The following C6 variants were observed in gnomAD, a reference collection of about 807,000 sequenced individuals.
The protein encoded by C6 is complement C6.
Under a neutral mutation model 112.9 loss-of-function variants are expected in C6, and 101 were observed. The ratio of observed to expected loss-of-function variants is 0.89; its 90% CI spans 0.76 to 1.06. The LOEUF (loss-of-function observed/expected upper bound fraction) is 1.06, where lower values mean the gene tolerates loss of function less well. Ranked by LOEUF, C6 falls within the 50% of genes least tolerant of loss-of-function variation. The probability of loss-of-function intolerance (pLI) is 0.00; values close to 1 mark genes in which losing one functional copy is unlikely to be tolerated. For missense variants in C6, 1,202 were observed against 1,104.6 expected, an observed-to-expected ratio of 1.09 and a Z score of -1.25; for synonymous variants, 431 against 384.1, an observed-to-expected ratio of 1.12 and a Z score of -1.43.
intron 1 of C6, among the ~76,000 whole-genome samples, chr5:41,242,690 C>T (rs1740790764): frequency 6.6e-6 from 1 of 151,908 alleles, no homozygotes; most frequent in South Asian, 2.1e-4. Context: ...TCTTTCAATT[C>T]TCTCATGTTT....
At position 41,210,521 on chromosome 5, in the gene C6, G is replaced by GA. The variant is rs544922352; in HGVS notation, c.-21+2854dup. ...ACAAAGAACTCAAACAAATTTACAAGAAAAAATCAAACAACCCCATCAAAA... is the reference window on the plus strand; with the variant it reads ...ACAAAGAACTCAAACAAATTTACAAGAAAAAAATCAAACAACCCCATCAAAA... On this transcript the variant is annotated intron_variant, in intron 1 of 17. Transcript: ENST00000337836. Among the ~76,000 whole-genome samples, 368 of 152,102 alleles carry GA rather than the reference G, an allele frequency of 2.4e-3. No homozygotes were observed. In the Middle Eastern group the frequency reaches 0.027, roughly 11 times the overall value.
At chr5:41,187,194 A>G (rs1749840025) in intron 5 of C6, among the ~76,000 whole-genome samples, 1 of 152,166 alleles carries the variant, frequency 6.6e-6, no homozygotes, top group Non-Finnish European at 1.5e-5. Flanking sequence ...AATAGCACCA[A>G]TGCCCTTCCC....
chr5:41,256,569 A>T (rs1741718919), intron 1 of C6, among the ~76,000 whole-genome samples: 1 of 151,748 alleles, frequency 6.6e-6, no homozygotes, highest in Admixed American at 6.6e-5. Context: ...CTGCTGAGAG[A>T]ATTTTGTGGT....
intron 15 of C6, among the ~76,000 whole-genome samples, chr5:41,150,707 C>A (rs373162399): frequency 6.6e-5 from 10 of 151,580 alleles, no homozygotes; most frequent in African/African-American, 2.4e-4. Context: ...GTCAATATGG[C>A]GAAACCCCAT....
At position 41,181,381 on chromosome 5, in the gene C6, G is replaced by T; in HGVS notation, c.905C>A (p.Ala302Asp). The change falls in exon 7 of 18, where the codon GCC becomes GAC. Residue 302 changes from alanine to aspartate, a missense_variant. Coordinates refer to ENST00000337836, the MANE Select transcript of C6 (RefSeq NM_000065.5). The part of the protein sequence containing the change: ...NINHNSAFKQ[A>D]IQASHKKDSS... ...TACCTTTTTGTGAGAGGCTTGAATG[G>T]CTTGTTTGAAGGCAGAATTATGGTT... 6.2e-7 allele frequency: 1 copy of T among 1,613,688 alleles called. No homozygotes were observed. Among genetic ancestry groups the T allele is most frequent in the Non-Finnish European group, 8.5e-7 (1 of 1,179,766 alleles).
rs540732649 is a variant in C6 at position 41,164,692 on chromosome 5, A to C, written c.1292-2833T>G. On this transcript the variant is annotated intron_variant, in intron 9 of 17. Coordinates refer to ENST00000337836, the MANE Select transcript of C6 (RefSeq NM_000065.5). ...CTTGGAGCCTATTGCAACGGTCTCT[A>C]ACTTTGCAATGTCCTCTTGTTCCTA... Among the ~76,000 whole-genome samples, 24 of 152,250 alleles carry C rather than the reference A, an allele frequency of 1.6e-4. 1 individual carries two copies. The South Asian group carries it at 5.0e-3, about 32-fold the overall frequency.
chr5:41,189,947 A>G (rs1750069817), intron 5 of C6, among the ~76,000 whole-genome samples: 1 of 152,080 alleles, frequency 6.6e-6, no homozygotes, highest in Non-Finnish European at 1.5e-5. Flanking sequence ...GTTTCATTCT[A>G]TTTTATGGCT....
rs921215624 is a variant in C6 at position 41,193,829 on chromosome 5, T to C, written c.587+1963A>G. 3.3e-5 allele frequency among the ~76,000 whole-genome samples: 5 copies of C among 149,670 alleles called. No homozygotes were observed. In the East Asian group the frequency reaches 7.8e-4, roughly 23 times the overall value. On this transcript the variant is annotated intron_variant, in intron 5 of 17. Transcript: ENST00000337836. ...TTTTTTTTTTGTGGTTAGAAATATG[T>C]TGGATAGCAGGATTGGAGAGGCAGA...
Position 41,160,161 on chromosome 5 carries a change from CTG to C in C6, c.1663_1664del (p.Gln555ValfsTer5), listed in dbSNP as rs778023163. ...SGTYGENCEK[Q>X]SPDYKSNAVD... ...ACTTACTGGATTTATAATCTGGAGACTGTTTCTCACAGTTCTCACCATAGGTG... is the reference window on the plus strand; with the variant it reads ...ACTTACTGGATTTATAATCTGGAGACTTTCTCACAGTTCTCACCATAGGTG... On this transcript the variant is annotated frameshift_variant, in exon 11 of 18. Transcript: ENST00000337836. LOFTEE classifies it high-confidence loss of function. 3.1e-6 allele frequency: 5 copies of C among 1,612,226 alleles called. No individual in the cohort carries two copies. The East Asian group carries it at 8.9e-5, about 29-fold the overall frequency.
At position 41,154,648 on chromosome 5, in the gene C6, G is replaced by A. The variant is rs147490092; in HGVS notation, c.2101+324C>T. ...ATCTTCTTGAGACTCAGCATTTTGC[G>A]TCAATTTGAACATTGGGCAAAGCAG... On this transcript the variant is annotated intron_variant, in intron 14 of 17. Coordinates refer to ENST00000337836, the MANE Select transcript of C6 (RefSeq NM_000065.5). Among the ~76,000 whole-genome samples the A allele has an allele frequency of 4.6e-3, 701 of 152,242 alleles. 4 individuals carry two copies. Among genetic ancestry groups the A allele is most frequent in the African/African-American group, 0.015 (609 of 41,540 alleles).
At chr5:41,184,166 T>C (rs940233641) in intron 6 of C6, among the ~76,000 whole-genome samples, 33 of 152,200 alleles carry the variant, frequency 2.2e-4, no homozygotes, top group Admixed American at 3.3e-4. Context: ...TGTTTCACAA[T>C]TGGATTCCAA....
At chr5:41,207,864 T>C (rs1561172120) in intron 1 of C6, among the ~76,000 whole-genome samples, 1 of 152,170 alleles carries the variant, frequency 6.6e-6, no homozygotes, top group African/African-American at 2.4e-5. Context: ...AACTCAGCTC[T>C]GCACCAAGCG....
chr5:41,254,262 C>T (rs1056584769), intron 1 of C6, among the ~76,000 whole-genome samples: 7 of 152,042 alleles, frequency 4.6e-5, no homozygotes, highest in South Asian at 2.1e-4. Flanking sequence ...TTAAATTAGC[C>T]GGGTGTGGTG....
chr5:41,154,305 T>C lies in C6; in HGVS notation c.2102-307A>G, dbSNP rs891752659. On this transcript the variant is annotated intron_variant, in intron 14 of 17. Transcript: ENST00000337836. Reference sequence around the variant, plus strand: ...TCAAGAAACACTTTCTTTTCTCTTATCCCTAGTGGATTTCTCCAAATGCAA... The same window carrying C: ...TCAAGAAACACTTTCTTTTCTCTTACCCCTAGTGGATTTCTCCAAATGCAA... Among the ~76,000 whole-genome samples, 9 of 152,198 alleles carry C rather than the reference T, an allele frequency of 5.9e-5. No homozygotes were observed. In the South Asian group the frequency reaches 8.3e-4, roughly 14 times the overall value.
chr5:41,205,842 T>C (rs964939114), intron 1 of C6, among the ~76,000 whole-genome samples: 11 of 152,178 alleles, frequency 7.2e-5, no homozygotes, highest in African/African-American at 2.4e-4. Flanking sequence ...GACTTCAACG[T>C]CCCTGTCTGA....
At chr5:41,168,876 G>A (rs1748194681) in intron 9 of C6, among the ~76,000 whole-genome samples, 1 of 152,116 alleles carries the variant, frequency 6.6e-6, no homozygotes, top group Non-Finnish European at 1.5e-5. Context: ...TAGTAGGAAG[G>A]GAATGGCAAG....
intron 8 of C6, among the ~76,000 whole-genome samples, chr5:41,175,965 G>A (rs1748806150): frequency 6.6e-6 from 1 of 152,110 alleles, no homozygotes; most frequent in Non-Finnish European, 1.5e-5. Context: ...TAGCTTAGTC[G>A]CTTGTCAAGT....
At chr5:41,242,255 C>T (rs553944978) in intron 1 of C6, among the ~76,000 whole-genome samples, 3 of 152,122 alleles carry the variant, frequency 2.0e-5, no homozygotes, top group African/African-American at 7.2e-5. Flanking sequence ...TTTCCCCCAT[C>T]GTGTTCTCAT....
At chr5:41,215,266 A>G (rs1752158860), upstream of C6, among the ~76,000 whole-genome samples, 2 of 152,144 alleles carry the variant, frequency 1.3e-5, no homozygotes, top group Non-Finnish European at 2.9e-5. Flanking sequence ...TAAAATATTT[A>G]CCGTCTGGCC....
Sources: allele counts gnomAD v4.1 joint callset (sites outside exome capture counted in the v4.1 genomes callset), GRCh38; gene constraint gnomAD v4.1.1; transcripts MANE v1.5; gene names NCBI Gene and HGNC (gene_info 2026-07-23, HGNC 2026-07-21).